The following ROBO1 variants were observed in gnomAD, a reference collection of about 807,000 sequenced individuals.
ROBO1 encodes roundabout homolog 1.
ROBO1 carries 149 observed loss-of-function variants against 195.9 expected under a neutral mutation model. The ratio of observed to expected loss-of-function variants is 0.76; its 90% confidence interval spans 0.67 to 0.87. ROBO1 has a LOEUF of 0.87. Ranked by LOEUF, ROBO1 falls within the 40% of genes least tolerant of loss-of-function variation. ROBO1 has a pLI of 0.00. For synonymous variants in ROBO1, 816 were observed against 733.2 expected (o/e 1.11, Z -1.82); for missense variants, 1,933 against 2,068.3 (o/e 0.93, Z 1.27).
chr3:78,710,698 T>C (rs1291347218), intron 8 of ROBO1, among the ~76,000 whole-genome samples: 1 of 152,184 alleles, frequency 6.6e-6, no homozygotes, highest in Admixed American at 6.5e-5. Context: ...GAATCATGAT[T>C]CACCTAAATT....
intron 4 of ROBO1, among the ~76,000 whole-genome samples, chr3:78,908,173 C>A (rs578211138): frequency 2.4e-4 from 36 of 151,804 alleles, no homozygotes; most frequent in Non-Finnish European, 5.2e-4. Context: ...ACAAAAAAAT[C>A]TATTTATATT....
intron 1 of ROBO1, among the ~76,000 whole-genome samples, chr3:79,728,766 G>A (rs1703029925): frequency 6.6e-6 from 1 of 151,972 alleles, no homozygotes; most frequent in South Asian, 2.1e-4. Context: ...TAAAAATCAT[G>A]ATTTTACTCA....
Position 79,621,219 on chromosome 3 carries a change from G to C in ROBO1, c.-50-31258C>G, listed in dbSNP as rs201318374. 2.1e-4 allele frequency among the ~76,000 whole-genome samples: 32 copies of C among 152,148 alleles called. No homozygotes were observed. In the East Asian group the frequency reaches 5.0e-3, roughly 24 times the overall value. ...TTACTTCAGTCAAGCCCTTTCTCTT[G>C]ATTTACTTTCTTTCCTTGTGAGCCC... On this transcript the variant is annotated intron_variant, in intron 1 of 30. Coordinates refer to ENST00000464233, the MANE Select transcript of ROBO1 (RefSeq NM_002941.4).
chr3:79,746,683 T>C (rs1165562106), intron 1 of ROBO1, among the ~76,000 whole-genome samples: 1 of 151,174 alleles, frequency 6.6e-6, no homozygotes, highest in Admixed American at 6.6e-5. Context: ...TATTCTGAGA[T>C]TTTAGTCCTA....
intron 3 of ROBO1, among the ~76,000 whole-genome samples, chr3:79,109,383 C>G (rs1486549341): frequency 2.6e-5 from 4 of 151,862 alleles, no homozygotes; most frequent in Non-Finnish European, 5.9e-5. Context: ...TTCACACATG[C>G]AAAAATGACA....
intron 2 of ROBO1, among the ~76,000 whole-genome samples, chr3:79,426,801 A>G (rs2038465007): frequency 6.6e-6 from 1 of 152,292 alleles, no homozygotes; most frequent in Non-Finnish European, 1.5e-5. Context: ...CATTTTAAAA[A>G]TTAAGTGATT....
chr3:78,727,418 A>G (rs565385884), intron 5 of ROBO1, among the ~76,000 whole-genome samples: 4 of 152,050 alleles, frequency 2.6e-5, no homozygotes, highest in Non-Finnish European at 5.9e-5. Flanking sequence ...CAAGGTCAGG[A>G]GATTGAGACC....
rs527890004 is a variant in ROBO1, at chr3:79,457,494, C to A, written c.88+132330G>T. On this transcript the variant is annotated intron_variant, in intron 2 of 30. Transcript: ENST00000464233. ...TTGGTACAGATGCTGCCATCACAATCCTAGAAGACTCACCATTGCTTCACA... is the reference window on the plus strand; with the variant it reads ...TTGGTACAGATGCTGCCATCACAATACTAGAAGACTCACCATTGCTTCACA... Among the ~76,000 whole-genome samples the A allele has an allele frequency of 2.0e-5, 3 of 152,020 alleles. No individual in the cohort carries two copies. In the South Asian group the frequency reaches 6.2e-4, roughly 32 times the overall value.
rs1361948136 is a variant in ROBO1, at chr3:78,668,066, AG to A, written c.1800-18del. 6.2e-7 allele frequency: 1 copy of A among 1,612,208 alleles called. No homozygotes were observed. Among genetic ancestry groups the A allele is most frequent in the South Asian group, 1.1e-5 (1 of 90,962 alleles). On this transcript the variant is annotated intron_variant, in intron 13 of 30. Coordinates refer to ENST00000464233, the MANE Select transcript of ROBO1 (RefSeq NM_002941.4). ...GATGCATGGCTAAGGATAGACACAC[AG>A]GTTAGAACATGCGTATTTAATGGAG...
chr3:79,328,551 C>T (rs2034308649), intron 2 of ROBO1, among the ~76,000 whole-genome samples: 1 of 152,082 alleles, frequency 6.6e-6, no homozygotes, highest in South Asian at 2.1e-4. Flanking sequence ...AACCATAATA[C>T]AATTTTATGC....
intron 22 of ROBO1, 84 bp downstream of exon 22, chr3:78,639,660 C>T (rs1047830416): frequency 1.7e-5 from 23 of 1,319,446 alleles, no homozygotes; most frequent in Middle Eastern, 2.2e-4. Flanking sequence ...TTTATCTTTC[C>T]CATGTAGGGA....
intron 10 of ROBO1, among the ~76,000 whole-genome samples, chr3:78,675,566 T>A (rs972528540): frequency 1.3e-5 from 2 of 152,150 alleles, no homozygotes; most frequent in Non-Finnish European, 2.9e-5. Context: ...CGCTAATTGT[T>A]AGCACAGCAG....
At chr3:79,071,476 G>C (rs890880712) in intron 3 of ROBO1, among the ~76,000 whole-genome samples, 12 of 151,656 alleles carry the variant, frequency 7.9e-5, no homozygotes, top group African/African-American at 2.7e-4. Context: ...TCCAGGACTA[G>C]GGGTGCTCTG....
At chr3:79,758,370 G>A (rs114709215) in intron 1 of ROBO1, among the ~76,000 whole-genome samples, 1 of 152,280 alleles carries the variant, frequency 6.6e-6, no homozygotes, top group Non-Finnish European at 1.5e-5. Flanking sequence ...AGTGTCAATA[G>A]GCACATGTAG....
At chr3:79,035,671 C>T (rs2078369365) in intron 3 of ROBO1, among the ~76,000 whole-genome samples, 1 of 151,420 alleles carries the variant, frequency 6.6e-6, no homozygotes, top group African/African-American at 2.4e-5. Context: ...ATTGAGGCTG[C>T]AGTGAGCCAA....
chr3:78,787,811 G>A (rs2108510306), intron 4 of ROBO1, among the ~76,000 whole-genome samples: 1 of 151,598 alleles, frequency 6.6e-6, no homozygotes, highest in East Asian at 1.9e-4. Context: ...CTGATACAGT[G>A]TTGTGAGCCT....
chr3:79,512,468 G>C (rs757766555), intron 2 of ROBO1, among the ~76,000 whole-genome samples: 1 of 152,012 alleles, frequency 6.6e-6, no homozygotes, highest in Admixed American at 6.6e-5. Flanking sequence ...CCAAACCTGC[G>C]AACTCGTTAC....
At chr3:78,823,908 C>G (rs1211695957) in intron 4 of ROBO1, among the ~76,000 whole-genome samples, 1 of 151,954 alleles carries the variant, frequency 6.6e-6, no homozygotes. Flanking sequence ...GTATGTGGCA[C>G]ATGAGCATGC....
chr3:78,924,585 T>C (rs889842490), intron 4 of ROBO1, among the ~76,000 whole-genome samples: 2 of 152,088 alleles, frequency 1.3e-5, no homozygotes, highest in African/African-American at 4.8e-5. Context: ...CATATTAAAA[T>C]ATTTCTTCAG....
Sources: allele counts gnomAD v4.1 joint callset (sites outside exome capture counted in the v4.1 genomes callset), GRCh38; gene constraint gnomAD v4.1.1; transcripts MANE v1.5; gene names NCBI Gene and HGNC (gene_info 2026-07-23, HGNC 2026-07-21).